Variants in STX6 observed in about 807,000 individuals in gnomAD.
The protein encoded by STX6 is syntaxin 6.
STX6 carries 23 observed loss-of-function variants against 38.0 expected under a neutral mutation model. The ratio of observed to expected loss-of-function variants is 0.60; its 90% CI spans 0.43 to 0.86. The LOEUF is 0.86. STX6 is among the 40% of genes least tolerant of loss of function. STX6 has a pLI of 0.00. For synonymous variants in STX6, 123 were observed against 107.5 expected (o/e 1.14, Z -0.89); for missense variants, 274 against 312.9 (o/e 0.88, Z 0.94).
At chr1:180,995,714 T>C (rs964098011) in intron 3 of STX6, among the ~76,000 whole-genome samples, 1 of 152,168 alleles carries the variant, frequency 6.6e-6, no homozygotes, top group South Asian at 2.1e-4. Flanking sequence ...AATAAAAATA[T>C]AGTCAGTGCA....
chr1:181,008,568 T>C (rs1248751933), intron 1 of STX6, among the ~76,000 whole-genome samples: 1 of 152,192 alleles, frequency 6.6e-6, no homozygotes, highest in Non-Finnish European at 1.5e-5. Flanking sequence ...ATTAGGAAAG[T>C]ATTAGTCTAC....
At chr1:181,020,802 AG>A (rs777222388) in intron 1 of STX6, among the ~76,000 whole-genome samples, 22 of 152,188 alleles carry the variant, frequency 1.4e-4, no homozygotes, top group Non-Finnish European at 2.8e-4. Flanking sequence ...TTTGTTTCTC[AG>A]ATTAGACCAG....
intron 4 of STX6, 102 bp downstream of exon 4, chr1:180,993,261 T>C: frequency 1.4e-6 from 1 of 733,434 alleles, no homozygotes; most frequent in Non-Finnish European, 2.4e-6. Context: ...GCAGAAGTCT[T>C]CCTCTTGATT....
chr1:180,986,126 A>G (rs1655576328), intron 6 of STX6, among the ~76,000 whole-genome samples: 1 of 152,246 alleles, frequency 6.6e-6, no homozygotes, highest in African/African-American at 2.4e-5. Flanking sequence ...AAGACAAAAC[A>G]GGCACATCAT....
In STX6 at chr1:180,976,577, ACTAAGAAGAGGAT is replaced by A. The variant is rs1558084840; in HGVS notation, c.748_760del (p.Ile250CysfsTer43). Reference sequence around the variant, plus strand: ...CACCCAGAGGCCCCGCCGTCACAGCACTAAGAAGAGGATGAGCACAACCAACAGGACTGCAAAG... The same window carrying A: ...CACCCAGAGGCCCCGCCGTCACAGCAGAGCACAACCAACAGGACTGCAAAG... On this transcript the variant is annotated frameshift_variant, in exon 8 of 8. Coordinates refer to ENST00000258301, the MANE Select transcript of STX6 (RefSeq NM_005819.6). LOFTEE classifies it high-confidence loss of function. 1 of 1,613,726 alleles carries A rather than the reference ACTAAGAAGAGGAT, an allele frequency of 6.2e-7. No homozygotes were observed. Among genetic ancestry groups the A allele is most frequent in the Non-Finnish European group, 8.5e-7 (1 of 1,179,982 alleles).
chr1:181,010,083 C>A (rs1018880093), intron 1 of STX6, among the ~76,000 whole-genome samples: 2 of 152,066 alleles, frequency 1.3e-5, no homozygotes, highest in Non-Finnish European at 2.9e-5. Context: ...GGGGGAAGGA[C>A]CAGAAGGCAT....
At position 180,978,292 on chromosome 1, in the gene STX6, T is replaced by C. The variant is rs577721968; in HGVS notation, c.692-1646A>G. On this transcript the variant is annotated intron_variant, in intron 7 of 7. Coordinates refer to ENST00000258301, the MANE Select transcript of STX6 (RefSeq NM_005819.6). ...CATGGTAAACTGCTGCCCCTAAAAC[T>C]GCAGAAACCTACAGATGCATACAGA... Among the ~76,000 whole-genome samples, 5 of 152,298 alleles carry C rather than the reference T, an allele frequency of 3.3e-5. No homozygotes were observed. In the East Asian group the frequency reaches 9.6e-4, roughly 29 times the overall value.
chr1:181,011,866 G>A (rs1016098503), intron 1 of STX6, among the ~76,000 whole-genome samples: 18 of 152,314 alleles, frequency 1.2e-4, no homozygotes, highest in Non-Finnish European at 8.8e-5. Flanking sequence ...ACTTCACTTT[G>A]AGGAGCACTT....
chr1:180,989,913 G>A, intron 5 of STX6, 71 bp downstream of exon 5: 1 of 1,580,494 alleles, frequency 6.3e-7, no homozygotes, highest in Non-Finnish European at 8.7e-7. Context: ...AAGACCCCAT[G>A]GCTGGCAAAG....
At chr1:180,982,262 G>A (rs981578408) in intron 7 of STX6, among the ~76,000 whole-genome samples, 2 of 152,166 alleles carry the variant, frequency 1.3e-5, no homozygotes, top group Non-Finnish European at 1.5e-5. Context: ...AATTATGGAG[G>A]AGAGCAGAGA....
intron 7 of STX6, 58 bp downstream of exon 7, chr1:180,984,619 C>T (rs1396813124): frequency 1.4e-6 from 1 of 728,124 alleles, no homozygotes; most frequent in Admixed American, 2.2e-5. Context: ...AGACAACACC[C>T]CCAAGACAGA....
At chr1:181,015,670 C>CTTT (rs879761357) in intron 1 of STX6, among the ~76,000 whole-genome samples, 1 of 142,518 alleles carries the variant, frequency 7.0e-6, no homozygotes, top group Non-Finnish European at 1.5e-5. Context: ...CCACACAAAT[C>CTTT]TTTTTTTTTT....
intron 1 of STX6, among the ~76,000 whole-genome samples, chr1:181,008,730 T>TTTTG (rs2102326836): frequency 6.7e-6 from 1 of 148,470 alleles, no homozygotes; most frequent in African/African-American, 2.5e-5. Flanking sequence ...CAAAATTGTT[T>TTTTG]TTTTTTTTTT....
chr1:180,999,657 T>G (rs1285926785), intron 3 of STX6, among the ~76,000 whole-genome samples: 1 of 19,746 alleles, frequency 5.1e-5, no homozygotes, highest in African/African-American at 2.0e-4. Flanking sequence ...TTGAAGCAAA[T>G]AAAGAAAAAA....
In STX6 at chr1:181,011,429, T is replaced by C. The variant is rs146692660; in HGVS notation, c.36-5966A>G. On this transcript the variant is annotated intron_variant, in intron 1 of 7. Transcript: ENST00000258301. Reference sequence around the variant, plus strand: ...CATGAACTGGAAGCAGAAAACAATGTTGGTCACAAGTCTTATTTGGAAGCC... The same window carrying C: ...CATGAACTGGAAGCAGAAAACAATGCTGGTCACAAGTCTTATTTGGAAGCC... Among the ~76,000 whole-genome samples, 15 of 152,346 alleles carry C rather than the reference T, an allele frequency of 9.8e-5. No individual in the cohort carries two copies. In the East Asian group the frequency reaches 2.1e-3, roughly 22 times the overall value.
intron 7 of STX6, among the ~76,000 whole-genome samples, chr1:180,982,402 C>A (rs769208609): frequency 5.3e-5 from 8 of 152,196 alleles, no homozygotes; most frequent in Non-Finnish European, 1.0e-4. Context: ...AAAAGTGAAG[C>A]ACCGTTCAGG....
At position 180,976,602 on chromosome 1, in the gene STX6, A is replaced by G. The variant is rs778034343; in HGVS notation, c.736T>C (p.Leu246=). The stretch of plus-strand genomic sequence containing the variant: ...ACTAAGAAGAGGATGAGCACAACCA[A>G]CAGGACTGCAAAGAGGATGGCTATG... The part of the protein sequence containing the change: ...CAIAILFAVL[L]VVLILFLVL Residue 246 remains leucine (L), a synonymous_variant, in exon 8 of 8, where the codon TTG becomes CTG. Coordinates refer to ENST00000258301, the MANE Select transcript of STX6 (RefSeq NM_005819.6). 1.9e-6 allele frequency: 3 copies of G among 1,613,676 alleles called. No individual in the cohort carries two copies. The highest frequency in any genetic ancestry group is 2.5e-6 in the Non-Finnish European group (3 of 1,179,984).
At position 181,002,615 on chromosome 1, in the gene STX6, T is replaced by C. The variant is rs1656115245; in HGVS notation, c.291A>G (p.Gln97=). The change falls in exon 3 of 8, where the codon CAA becomes CAG. Residue 97 remains glutamine (Q), a synonymous_variant. Coordinates refer to ENST00000258301, the MANE Select transcript of STX6 (RefSeq NM_005819.6). The part of the protein sequence containing the change: ...IRKAFITSTR[Q]VVRDMKDQMS... ...AGATCATATTCCTTACCCTGACAAC[T>C]TGCCGAGTACTTGTAATGAAGGCTT... 6.2e-7 allele frequency: 1 copy of C among 1,611,456 alleles called. No homozygotes were observed. The highest frequency in any genetic ancestry group is 8.5e-7 in the Non-Finnish European group (1 of 1,177,756).
chr1:181,019,564 A>C (rs890425510), intron 1 of STX6, among the ~76,000 whole-genome samples: 8 of 152,180 alleles, frequency 5.3e-5, no homozygotes, highest in African/African-American at 1.9e-4. Context: ...AATCACAGTC[A>C]CTGTATTGAG....
Sources: gnomAD v4.1 joint callset for allele counts (sites outside exome capture counted in the v4.1 genomes callset) on GRCh38, gnomAD v4.1.1 for gene constraint, MANE v1.5 for transcripts, NCBI Gene and HGNC (gene_info 2026-07-23, HGNC 2026-07-21) for gene names.